SERPINF1: variants seen among roughly 807,000 people sequenced by gnomAD.
The protein encoded by SERPINF1 is pigment epithelium-derived factor.
Under a neutral mutation model 37.3 loss-of-function variants are expected in SERPINF1, and 29 were observed. That is an observed-to-expected ratio of 0.78 (90% CI 0.58 to 1.06). SERPINF1 has a LOEUF of 1.06. Ranked by LOEUF, SERPINF1 falls within the 50% of genes least tolerant of loss-of-function variation. The pLI, the probability that SERPINF1 is intolerant of heterozygous loss-of-function variation, is 0.00. For missense variants in SERPINF1, 553 were observed against 532.2 expected, an observed-to-expected ratio of 1.04 and a Z score of -0.38; for synonymous variants, 281 against 227.9, an observed-to-expected ratio of 1.23 and a Z score of -2.10.
chr17:1,768,258 C>T (rs1015255715), intron 2 of SERPINF1, among the ~76,000 whole-genome samples: 5 of 151,600 alleles, frequency 3.3e-5, no homozygotes, highest in Non-Finnish European at 5.9e-5. Flanking sequence ...GGTGAAACCC[C>T]GTCTCTACTA....
In SERPINF1 at chr17:1,777,168, T is replaced by C. The variant is rs1484202137; in HGVS notation, c.998-19T>C. 1 of 1,613,040 alleles carries C rather than the reference T, an allele frequency of 6.2e-7. No individual in the cohort carries two copies. Among genetic ancestry groups the C allele is most frequent in the East Asian group, 2.2e-5 (1 of 44,856 alleles). On this transcript the variant is annotated intron_variant, in intron 7 of 7. Coordinates refer to ENST00000254722, the MANE Select transcript of SERPINF1 (RefSeq NM_002615.7). ...GGGGAAGGCAGGGTTTTAACGGAAATCTCTCTCCATCTCTACAGAGCTGCA... is the reference window on the plus strand; with the variant it reads ...GGGGAAGGCAGGGTTTTAACGGAAACCTCTCTCCATCTCTACAGAGCTGCA...
chr17:1,768,960 C>G (rs1216918548), intron 2 of SERPINF1, among the ~76,000 whole-genome samples: 1 of 151,754 alleles, frequency 6.6e-6, no homozygotes, highest in Non-Finnish European at 1.5e-5. Context: ...CATGCACCAC[C>G]ATGCCCCGTT....
Position 1,771,128 on chromosome 17 carries a change from C to G in SERPINF1, c.383C>G (p.Thr128Arg). 2 of 1,614,114 alleles carry G rather than the reference C, an allele frequency of 1.2e-6. No homozygotes were observed. The highest frequency in any genetic ancestry group is 2.7e-5 in the African/African-American group (2 of 75,042). Residue 128 changes from threonine (T) to arginine (R), a missense_variant, in exon 4 of 8, where the codon ACG (threonine) becomes AGG (arginine). By Grantham distance (71) the Thr-to-Arg change is moderately conservative (BLOSUM62 -1). Coordinates refer to ENST00000254722, the MANE Select transcript of SERPINF1 (RefSeq NM_002615.7). ...IHGTYKELLD[T>R]VTAPQKNLKS... ...GGTACCTATAAGGAGCTCCTTGACA[C>G]GGTCACTGCCCCCCAGAAGAACCTC...
chr17:1,772,767 C>T (rs867597378), intron 5 of SERPINF1, among the ~76,000 whole-genome samples: 2 of 144,208 alleles, frequency 1.4e-5, no homozygotes, highest in South Asian at 4.5e-4. Context: ...ACCGTGGTCT[C>T]GATCTCCTGA....
In SERPINF1 at chr17:1,767,936, G is replaced by A. The variant is rs557996103; in HGVS notation, c.84+942G>A. Among the ~76,000 whole-genome samples the A allele has an allele frequency of 3.3e-5, 5 of 152,308 alleles. No homozygotes were observed. In the East Asian group the frequency reaches 9.7e-4, roughly 29 times the overall value. ...AAACTCAGTTCTGCCGGGTGCGGTG[G>A]CTCACACCTGTAATCCCAGCAGTGT... is the stretch of plus-strand genomic sequence containing the variant. On this transcript the variant is annotated intron_variant, in intron 2 of 7. Transcript: ENST00000254722.
At chr17:1,770,785 G>GA (rs1290149176) in intron 3 of SERPINF1, 1 of 494,966 alleles carries the variant, frequency 2.0e-6, no homozygotes, top group East Asian at 4.0e-5. Context: ...GCTATGATGG[G>GA]AGAAGTACAG....
intron 6 of SERPINF1, 144 bp downstream of exon 6, chr17:1,775,344 A>G: frequency 1.3e-6 from 1 of 795,760 alleles, no homozygotes; most frequent in Non-Finnish European, 2.0e-6. Flanking sequence ...GGTTAATAAC[A>G]TGTCTGAGCT....
At chr17:1,769,021 G>A (rs1367473070) in intron 2 of SERPINF1, among the ~76,000 whole-genome samples, 2 of 150,488 alleles carry the variant, frequency 1.3e-5, no homozygotes, top group Non-Finnish European at 3.0e-5. Context: ...TGCCCAGGAT[G>A]GTCTCGAACT....
chr17:1,772,938 G>T (rs779702415), intron 5 of SERPINF1, among the ~76,000 whole-genome samples: 1 of 152,078 alleles, frequency 6.6e-6, no homozygotes, highest in Non-Finnish European at 1.5e-5. Flanking sequence ...CTCCCACCTC[G>T]GCCTCCCAAA....
intron 5 of SERPINF1, among the ~76,000 whole-genome samples, chr17:1,774,708 C>G (rs1429224884): frequency 5.9e-5 from 9 of 152,194 alleles, no homozygotes; most frequent in African/African-American, 2.2e-4. Flanking sequence ...GTGATCCACC[C>G]ACCCCGGCCT....
chr17:1,776,282 C>G (rs1192673719), intron 6 of SERPINF1, among the ~76,000 whole-genome samples: 7 of 152,214 alleles, frequency 4.6e-5, no homozygotes, highest in Non-Finnish European at 1.0e-4. Flanking sequence ...AACATTCTTT[C>G]AGCAGACAAC....
rs773952734 is a variant in SERPINF1 at position 1,776,568 on chromosome 17, ATCT to A, written c.829_831del (p.Phe277del). ...GCCCTTGACCGGAAGCATGAGTATC[ATCT>A]TCTTCCTGCCCCTGAAAGTGACCCA... On this transcript the variant is annotated inframe_deletion, in exon 7 of 8. Transcript: ENST00000254722. 6.2e-6 allele frequency: 10 copies of A among 1,613,956 alleles called. 1 individual carries two copies. Among genetic ancestry groups the A allele is most frequent in the South Asian group, 3.3e-5 (3 of 91,078 alleles).
chr17:1,769,229 G>A (rs1489403359), intron 2 of SERPINF1, among the ~76,000 whole-genome samples: 1 of 149,172 alleles, frequency 6.7e-6, no homozygotes, highest in African/African-American at 2.4e-5. Context: ...CTAACACGGT[G>A]AAACCCCGTC....
chr17:1,765,070 C>G (rs1597345732), intron 1 of SERPINF1, among the ~76,000 whole-genome samples: 1 of 151,278 alleles, frequency 6.6e-6, no homozygotes, highest in Non-Finnish European at 1.5e-5. Context: ...TCTCAAACTC[C>G]TGACCTCAGG....
rs1337512840 is a variant in SERPINF1 at position 1,770,041 on chromosome 17, C to A, written c.274C>A (p.Leu92Ile). The change falls in exon 3 of 8, where the codon CTC (leucine) becomes ATC (isoleucine). Residue 92 changes from leucine to isoleucine, a missense_variant. Leu to Ile is a conservative substitution (Grantham distance 5). Transcript: ENST00000254722. ...PLSVATALSA[L>I]SLGAEQRTES... ...CAGTGTGGCCACGGCCCTCTCGGCC[C>A]TCTCGCTGGGTGAGTGCTCAGATGC... 1 of 1,614,194 alleles carries A rather than the reference C, an allele frequency of 6.2e-7. No homozygotes were observed. The highest frequency in any genetic ancestry group is 1.7e-5 in the Admixed American group (1 of 60,026).
rs1907414913 is a variant in SERPINF1 at position 1,766,898 on chromosome 17, T to C, written c.-8-5T>C. The C allele has an allele frequency of 3.2e-6, 5 of 1,554,432 alleles. No homozygotes were observed. The highest frequency in any genetic ancestry group is 4.4e-6 in the Non-Finnish European group (5 of 1,148,786). On this transcript the variant is annotated splice_region_variant and splice_polypyrimidine_tract_variant and intron_variant, in intron 1 of 7. Coordinates refer to ENST00000254722, the MANE Select transcript of SERPINF1 (RefSeq NM_002615.7). ...GCGGCTTGCTGCCTCGTTCTTTTCT[T>C]GCAGGCCCCAGGATGCAGGCCCTGG...
intron 4 of SERPINF1, chr17:1,771,649 T>TGGGAGGGGCA (rs1432239229): frequency 8.5e-6 from 5 of 589,524 alleles, no homozygotes; most frequent in Non-Finnish European, 1.5e-5. Context: ...CAGGAGACGG[T>TGGGAGGGGCA]GGGAGGGGCA....
chr17:1,771,304 A>G lies in SERPINF1; in HGVS notation c.439+120A>G, dbSNP rs539913187. On this transcript the variant is annotated intron_variant, in intron 4 of 7. Coordinates refer to ENST00000254722, the MANE Select transcript of SERPINF1 (RefSeq NM_002615.7). ...CGCTCTGTTGCCCAGGCTGGAGTGCAGTGGCGTGATCTCGGCTCACTGCAA... is the reference window on the plus strand; with the variant it reads ...CGCTCTGTTGCCCAGGCTGGAGTGCGGTGGCGTGATCTCGGCTCACTGCAA... The G allele has an allele frequency of 4.7e-4, 507 of 1,087,950 alleles. 2 individuals carry two copies. In the African/African-American group the frequency reaches 7.1e-3, roughly 15 times the overall value. The allele number at this position is 1,087,950 out of a possible 1,614,324, so 67.4% of individuals were successfully genotyped here. A position where few individuals can be genotyped will look rare whatever the true frequency, so the allele number is the denominator to read the frequency against.
At chr17:1,772,206 TC>T in intron 5 of SERPINF1, 131 bp downstream of exon 5, 1 of 966,966 alleles carries the variant, frequency 1.0e-6, no homozygotes, top group Non-Finnish European at 1.6e-6. Flanking sequence ...AACCTCCGCC[TC>T]CCAGGTTCAA....
Sources: allele counts gnomAD v4.1 joint callset (sites outside exome capture counted in the v4.1 genomes callset), GRCh38; gene constraint gnomAD v4.1.1; transcripts MANE v1.5; gene names NCBI Gene and HGNC (gene_info 2026-07-23, HGNC 2026-07-21).